Variants in MAFG observed in about 807,000 individuals in gnomAD.
The protein encoded by MAFG is transcription factor MafG.
In MAFG, 3 loss-of-function variants were observed where a neutral mutation model predicts 12.2. That is an observed-to-expected ratio of 0.25 (90% confidence interval 0.11 to 0.64). The LOEUF (loss-of-function observed/expected upper bound fraction) is 0.64. Among genes scored for constraint, MAFG ranks in the 30% least tolerant of loss-of-function variants. MAFG has a pLI of 0.85. For synonymous variants in MAFG, 126 were observed against 109.1 expected, an observed-to-expected ratio of 1.15 and a Z score of -0.96; for missense variants, 153 against 235.5, an observed-to-expected ratio of 0.65 and a Z score of 2.29.
intron 1 of MAFG, 148 bp from the exon 2 acceptor site, chr17:81,923,362 G>A (rs1467594932): frequency 3.6e-6 from 2 of 559,556 alleles, no homozygotes; most frequent in Non-Finnish European, 6.2e-6. Context: ...CCTGATAGGA[G>A]GCAGCCCTTG....
chr17:81,926,764 C>T lies in MAFG; in HGVS notation c.-30+764G>A, dbSNP rs973071482. 2.0e-5 allele frequency among the ~76,000 whole-genome samples: 3 copies of T among 152,172 alleles called. No homozygotes were observed. The highest frequency in any genetic ancestry group is 4.1e-4 in the South Asian group (2 of 4,824). On this transcript the variant is annotated intron_variant, in intron 1 of 2. Transcript: ENST00000357736. This position sits in a 1 kb window ranked among gnomAD's most constrained non-coding sequence, Gnocchi z 4.6. ...CCGGGAGAACACCTGCAGCGAGCCACCCCCACTTCCTCTTCAAGCACCCCT... is the reference window on the plus strand; with the variant it reads ...CCGGGAGAACACCTGCAGCGAGCCATCCCCACTTCCTCTTCAAGCACCCCT...
chr17:81,925,996 C>CTGTGTGTGTGTGTGTGTGTGTGTGTGTG (rs532478689), intron 1 of MAFG, among the ~76,000 whole-genome samples: 1 of 88,948 alleles, frequency 1.1e-5, no homozygotes, highest in African/African-American at 4.7e-5. Context: ...GAGAATGGAC[C>CTGTGTGTGTGTGTGTGTGTGTGTGTGTG]TGTGTGTGTG....
At chr17:81,929,925 G>C (rs529773238), upstream of MAFG, 1,573 of 137,284 alleles carry the variant, frequency 0.011, 48 homozygotes, top group African/African-American at 0.05. This position sits in a 1 kb window ranked among gnomAD's most constrained non-coding sequence, Gnocchi z 5.7. Flanking sequence ...CCAGGCTGCA[G>C]CTTCTGTGGG....
upstream of MAFG, among the ~76,000 whole-genome samples, chr17:81,931,234 C>T (rs777008570): frequency 3.9e-5 from 6 of 152,232 alleles, no homozygotes; most frequent in Non-Finnish European, 8.8e-5. Flanking sequence ...CCCTGTGCTT[C>T]CTCTGGAGCC....
chr17:81,924,807 C>A lies in MAFG; in HGVS notation c.-29-1593G>T, dbSNP rs2040926193. On this transcript the variant is annotated intron_variant, in intron 1 of 2. Transcript: ENST00000357736. The surrounding 1 kb of genome is among the most constrained non-coding windows in gnomAD (Gnocchi z 4.7). ...GGCCCTCAGCCAAGCATGGAGGGGC[C>A]CCCCAGCCTTGAGTGCAAGTCAGGG... Among the ~76,000 whole-genome samples, 1 of 152,208 alleles carries A rather than the reference C, an allele frequency of 6.6e-6. No homozygotes were observed. Among genetic ancestry groups the A allele is most frequent in the Non-Finnish European group, 1.5e-5 (1 of 68,010 alleles).
Position 81,921,552 on chromosome 17 carries a change from G to A in MAFG, c.*1053C>T, listed in dbSNP as rs150864412. The A allele has an allele frequency of 5.9e-5, 9 of 151,472 alleles. No homozygotes were observed. In the Middle Eastern group the frequency reaches 0.017, roughly 290 times the overall value. 9.4% of individuals were successfully genotyped at this position (151,472 alleles called of 1,614,324 possible). On this transcript the variant is annotated 3_prime_UTR_variant, in exon 3 of 3. Coordinates refer to ENST00000357736, the MANE Select transcript of MAFG (RefSeq NM_002359.4). ...GAGGACGGCCTTCTGGTCGGCTCAC[G>A]GCTTGGCTTTTTTTTTTTTGTCTTT...
rs1167303677 is a variant in MAFG, at chr17:81,922,371, C to T, written c.*234G>A. 8.2e-6 allele frequency: 3 copies of T among 367,078 alleles called. No homozygotes were observed. The South Asian group carries it at 2.8e-4, about 35-fold the overall frequency. The allele number at this position is 367,078 out of a possible 1,614,324, so 22.7% of individuals were successfully genotyped here. A position where few individuals can be genotyped will look rare whatever the true frequency, so the allele number is the denominator to read the frequency against. ...CCTGGTACAAAAGGGGTTGGGGCGA[C>T]CCCACGTCACCGCCGAACTGACCAA... On this transcript the variant is annotated 3_prime_UTR_variant, in exon 3 of 3. Coordinates refer to ENST00000357736, the MANE Select transcript of MAFG (RefSeq NM_002359.4).
In MAFG at chr17:81,926,182, T is replaced by G. The variant is rs1047808860; in HGVS notation, c.-30+1346A>C. Among the ~76,000 whole-genome samples the G allele has an allele frequency of 6.6e-6, 1 of 152,178 alleles. No individual in the cohort carries two copies. Among genetic ancestry groups the G allele is most frequent in the African/African-American group, 2.4e-5 (1 of 41,420 alleles). On this transcript the variant is annotated intron_variant, in intron 1 of 2. Transcript: ENST00000357736. The surrounding 1 kb of genome is among the most constrained non-coding windows in gnomAD (Gnocchi z 4.6). ...ACATCACTCCCAAGCTGCCACTTTC[T>G]AAGCGTCCTGGGCTGCCAGGCCAGA...
In MAFG at chr17:81,922,767, G is replaced by T; in HGVS notation, c.327C>A (p.Ser109=). Reference sequence around the variant, plus strand: ...CGAAGGTCTGCAGCGCCTCGTACTTGGAGCGCAGCGCGTCGAGCTCCAGCT... The same window carrying T: ...CGAAGGTCTGCAGCGCCTCGTACTTTGAGCGCAGCGCGTCGAGCTCCAGCT... ...SMKLELDALR[S]KYEALQTFAR... The change falls in exon 3 of 3, where the codon TCC becomes TCA. Residue 109 remains serine (S), a synonymous_variant. Transcript: ENST00000357736. 1 of 1,595,384 alleles carries T rather than the reference G, an allele frequency of 6.3e-7. No homozygotes were observed. Among genetic ancestry groups the T allele is most frequent in the South Asian group, 1.1e-5 (1 of 88,442 alleles).
In MAFG at chr17:81,919,969, C is replaced by A. The variant is rs1460576729; in HGVS notation, c.*2636G>T. Reference sequence around the variant, plus strand: ...CAGCACGCGTCGACCCTTACACCCTCCTCTTCCACACTCCCTTCGCCTCCA... The same window carrying A: ...CAGCACGCGTCGACCCTTACACCCTACTCTTCCACACTCCCTTCGCCTCCA... On this transcript the variant is annotated 3_prime_UTR_variant, in exon 3 of 3. Transcript: ENST00000357736. 1 of 152,280 alleles carries A rather than the reference C, an allele frequency of 6.6e-6. No individual in the cohort carries two copies. The highest frequency in any genetic ancestry group is 2.4e-5 in the African/African-American group (1 of 41,462). 9.4% of individuals were successfully genotyped at this position (152,280 alleles called of 1,614,324 possible).
In MAFG at chr17:81,922,710, T is replaced by C. The variant is rs1410192284; in HGVS notation, c.384A>G (p.Pro128=). The change falls in exon 3 of 3, where the codon CCA becomes CCG. Residue 128 remains proline (P), a synonymous_variant. Coordinates refer to ENST00000357736, the MANE Select transcript of MAFG (RefSeq NM_002359.4). ...GGCCGGCGGCAAGGGGGCCCCGGGC[T>C]GGCGCCACGGGGCTGCGGGCCACCG... ...ARTVARSPVA[P]ARGPLAAGLG... is the part of the protein sequence containing the mutation. The C allele has an allele frequency of 5.2e-6, 8 of 1,534,682 alleles. No homozygotes were observed. Among genetic ancestry groups the C allele is most frequent in the Non-Finnish European group, 4.4e-6 (5 of 1,144,764 alleles).
intron 1 of MAFG, among the ~76,000 whole-genome samples, chr17:81,923,703 C>T (rs2040918719): frequency 6.6e-6 from 1 of 152,176 alleles, no homozygotes; most frequent in African/African-American, 2.4e-5. Flanking sequence ...CCGCAGCCCC[C>T]AGCCTGGCCA....
At position 81,922,546 on chromosome 17, in the gene MAFG, G is replaced by C; in HGVS notation, c.*59C>G. ...GAGAAGGAAACAGAGGGACAGGGCA[G>C]CCAAATTCGCCATGTGCCTAGTGGC... On this transcript the variant is annotated 3_prime_UTR_variant, in exon 3 of 3. Coordinates refer to ENST00000357736, the MANE Select transcript of MAFG (RefSeq NM_002359.4). The C allele has an allele frequency of 7.7e-7, 1 of 1,294,112 alleles. No homozygotes were observed. The highest frequency in any genetic ancestry group is 1.0e-6 in the Non-Finnish European group (1 of 980,198). 80.2% of individuals were successfully genotyped at this position (1,294,112 alleles called of 1,614,324 possible).
chr17:81,920,079 C>T lies in MAFG; in HGVS notation c.*2526G>A, dbSNP rs922283622. 6.6e-6 allele frequency: 1 copy of T among 152,188 alleles called. No individual in the cohort carries two copies. The highest frequency in any genetic ancestry group is 6.5e-5 in the Admixed American group (1 of 15,282). 9.4% of individuals were successfully genotyped at this position (152,188 alleles called of 1,614,324 possible). On this transcript the variant is annotated 3_prime_UTR_variant, in exon 3 of 3. Coordinates refer to ENST00000357736, the MANE Select transcript of MAFG (RefSeq NM_002359.4). ...GGGGGCTGCACAAGGACAAGGAGGG[C>T]CTGTTTCTCCCCACTCCGAGGCAGA...
intron 1 of MAFG, 189 bp from the exon 2 acceptor site, chr17:81,923,403 T>G: frequency 1.3e-5 from 6 of 464,092 alleles, no homozygotes; most frequent in East Asian, 7.5e-5. Context: ...AGCTGCTTCC[T>G]GTCCACCCTG....
At position 81,926,698 on chromosome 17, in the gene MAFG, G is replaced by T. The variant is rs1349753402; in HGVS notation, c.-30+830C>A. ...CAGGACCAGCTGCCGGAAAAGAGCC[G>T]CCTGGGAAGGGGTGGACCGCCCGGG... On this transcript the variant is annotated intron_variant, in intron 1 of 2. Coordinates refer to ENST00000357736, the MANE Select transcript of MAFG (RefSeq NM_002359.4). This position sits in a 1 kb window ranked among gnomAD's most constrained non-coding sequence, Gnocchi z 4.6. Among the ~76,000 whole-genome samples, 1 of 152,166 alleles carries T rather than the reference G, an allele frequency of 6.6e-6. No homozygotes were observed. The highest frequency in any genetic ancestry group is 1.5e-5 in the Non-Finnish European group (1 of 68,034).
At position 81,926,741 on chromosome 17, in the gene MAFG, G is replaced by A. The variant is rs1018440320; in HGVS notation, c.-30+787C>T. ...CGCCCGGGGCTTCACCTTTGACCCC[G>A]GGAGAACACCTGCAGCGAGCCACCC... On this transcript the variant is annotated intron_variant, in intron 1 of 2. Transcript: ENST00000357736. The surrounding 1 kb of genome is among the most constrained non-coding windows in gnomAD (Gnocchi z 4.6). Among the ~76,000 whole-genome samples the A allele has an allele frequency of 1.6e-4, 24 of 152,082 alleles. 1 individual carries two copies. Among genetic ancestry groups the A allele is most frequent in the East Asian group, 1.2e-3 (6 of 5,140 alleles).
Position 81,922,925 on chromosome 17 carries a change from G to C in MAFG, c.169C>G (p.Arg57Gly), listed in dbSNP as rs1421538744. 6.2e-7 allele frequency: 1 copy of C among 1,607,100 alleles called. No individual in the cohort carries two copies. Reference sequence around the variant, plus strand: ...GCGTAGCCGCGGTTCTTGAGCGTGCGCCGGCGCTGCTTCAGCTGGACGATC... The same window carrying C: ...GCGTAGCCGCGGTTCTTGAGCGTGCCCCGGCGCTGCTTCAGCTGGACGATC... ...EEIVQLKQRRRTLKNRGYAAS... is the reference protein window; with the variant it reads ...EEIVQLKQRRGTLKNRGYAAS... The change falls in exon 3 of 3, where the codon CGC becomes GGC. Residue 57 changes from arginine to glycine, a missense_variant. By Grantham distance (125) the Arg-to-Gly change is moderately radical (BLOSUM62 -2). Transcript: ENST00000357736.
chr17:81,922,440 GGC>G lies in MAFG; in HGVS notation c.*163_*164del. Reference sequence around the variant, plus strand: ...ACGACGACAATGACGAGATCAAAGGGGCTCAGCCCGGCGCCCCTGGGGTACAG... The same window carrying G: ...ACGACGACAATGACGAGATCAAAGGGTCAGCCCGGCGCCCCTGGGGTACAG... On this transcript the variant is annotated 3_prime_UTR_variant, in exon 3 of 3. Coordinates refer to ENST00000357736, the MANE Select transcript of MAFG (RefSeq NM_002359.4). The G allele has an allele frequency of 1.9e-6, 1 of 524,186 alleles. No homozygotes were observed. Among genetic ancestry groups the G allele is most frequent in the Non-Finnish European group, 3.2e-6 (1 of 309,144 alleles). The allele number at this position is 524,186 out of a possible 1,614,324, so 32.5% of individuals were successfully genotyped here. A position where few individuals can be genotyped will look rare whatever the true frequency, so the allele number is the denominator to read the frequency against.
Sources: gnomAD v4.1 joint callset for allele counts (sites outside exome capture counted in the v4.1 genomes callset) on GRCh38, gnomAD v4.1.1 for gene constraint, Gnocchi (gnomAD v3.1) non-coding constraint, MANE v1.5 for transcripts, NCBI Gene and HGNC (gene_info 2026-07-23, HGNC 2026-07-21) for gene names.